Variants in TBL1Y observed in about 807,000 individuals in gnomAD.
The protein encoded by TBL1Y is F-box-like/WD repeat-containing protein TBL1Y.
In TBL1Y, 15 loss-of-function variants were observed where a neutral mutation model predicts 12.0. That is an observed-to-expected ratio of 1.25 (90% CI 0.83 to 1.92). The LOEUF is 1.92. Among genes scored for constraint, TBL1Y ranks in the 40% most tolerant of loss-of-function variants. The pLI is 0.00. For synonymous variants in TBL1Y, 53 were observed against 42.6 expected (o/e 1.24, Z -0.95); for missense variants, 148 against 116.7 (o/e 1.27, Z -1.24).
At chrY:6,922,864 C>CA (rs2011792106) in intron 2 of TBL1Y, among the ~76,000 whole-genome samples, 2 of 34,809 alleles carry the variant, frequency 5.7e-5, no homozygotes, top group African/African-American at 1.1e-4. Flanking sequence ...CCAGCTGCGC[C>CA]AAGTGCGGGG....
chrY:7,085,820 C>A, intron 14 of TBL1Y, 78 bp from the exon 15 acceptor site: 11 of 294,398 alleles, frequency 3.7e-5, no homozygotes, highest in Non-Finnish European at 1.5e-5. Context: ...TGGCGCGCTG[C>A]TGCCCCCTGC....
chrY:6,956,885 C>T (rs2124113128), intron 2 of TBL1Y, among the ~76,000 whole-genome samples: 6 of 34,002 alleles, frequency 1.8e-4, no homozygotes, highest in South Asian at 1.3e-3. Flanking sequence ...CTGATCCTGA[C>T]GCCACTTTAT....
intron 7 of TBL1Y, among the ~76,000 whole-genome samples, chrY:7,062,777 C>G: frequency 3.0e-5 from 1 of 33,561 alleles, no homozygotes. Context: ...CTTGCCTTTT[C>G]TACTACTGGA....
intron 6 of TBL1Y, among the ~76,000 whole-genome samples, chrY:7,030,228 C>T (rs763558520): frequency 5.9e-4 from 20 of 33,758 alleles, no homozygotes; most frequent in Non-Finnish European, 1.1e-3. Flanking sequence ...TTGCTCAAGG[C>T]GTATTGGAAA....
chrY:7,059,013 T>A, intron 7 of TBL1Y, among the ~76,000 whole-genome samples: 2 of 33,186 alleles, frequency 6.0e-5, no homozygotes, highest in Non-Finnish European at 1.5e-4. Context: ...AAAAACTGGT[T>A]GGGGCAGTCC....
chrY:6,951,132 C>A lies in TBL1Y; in HGVS notation c.-265-27081C>A, dbSNP rs1603028508. 9.0e-5 allele frequency among the ~76,000 whole-genome samples: 3 copies of A among 33,295 alleles called. No homozygotes were observed. The East Asian group carries it at 2.4e-3, about 26-fold the overall frequency. The allele number at this position is 33,295 out of a possible 37,273, so 89.3% of individuals were successfully genotyped here. ...ATCAATGTTCTTCAGGGATATTGGT[C>A]TAAAATCCTCTTTTTTTGTTGTGTC... is the stretch of plus-strand genomic sequence containing the variant. On this transcript the variant is annotated intron_variant, in intron 2 of 18. Transcript: ENST00000383032.
At chrY:6,916,865 C>T in intron 2 of TBL1Y, among the ~76,000 whole-genome samples, 1 of 34,379 alleles carries the variant, frequency 2.9e-5, no homozygotes, top group Non-Finnish European at 7.3e-5. Flanking sequence ...ATTTGGGACA[C>T]TTTTTTCCGT....
At chrY:7,006,782 A>C in intron 4 of TBL1Y, among the ~76,000 whole-genome samples, 1 of 33,485 alleles carries the variant, frequency 3.0e-5, no homozygotes, top group African/African-American at 1.2e-4. Context: ...AAACAACCCC[A>C]TCAAAAAGTG....
In TBL1Y at chrY:6,910,747, C is replaced by A; in HGVS notation, c.-586C>A. ...GCCAACACCCCAGCTCCGCTGCTGCCGCCACCGCAGTGCTCTCTAGTCGCC... is the reference window on the plus strand; with the variant it reads ...GCCAACACCCCAGCTCCGCTGCTGCAGCCACCGCAGTGCTCTCTAGTCGCC... On this transcript the variant is annotated 5_prime_UTR_variant, in exon 1 of 19. Coordinates refer to ENST00000383032, the MANE Select transcript of TBL1Y (RefSeq NM_033284.2). 1.8e-5 allele frequency: 1 copy of A among 56,762 alleles called. No homozygotes were observed. Among genetic ancestry groups the A allele is most frequent in the Non-Finnish European group, 3.7e-5 (1 of 27,381 alleles). The allele number at this position is 56,762 out of a possible 400,897, so 14.2% of individuals were successfully genotyped here. A position where few individuals can be genotyped will look rare whatever the true frequency, so the allele number is the denominator to read the frequency against.
At chrY:6,986,212 C>T in intron 3 of TBL1Y, among the ~76,000 whole-genome samples, 1 of 32,399 alleles carries the variant, frequency 3.1e-5, no homozygotes, top group Non-Finnish European at 7.5e-5. Context: ...CAGAGAGCTC[C>T]ACCCCAACCC....
intron 7 of TBL1Y, among the ~76,000 whole-genome samples, chrY:7,043,518 C>A (rs2012740385): frequency 3.5e-5 from 1 of 28,766 alleles, no homozygotes; most frequent in African/African-American, 1.4e-4. Context: ...ACTGTGAGAC[C>A]ATATATCTAA....
intron 4 of TBL1Y, among the ~76,000 whole-genome samples, chrY:7,012,261 T>C (rs2012523993): frequency 3.0e-5 from 1 of 33,263 alleles, no homozygotes; most frequent in Non-Finnish European, 7.4e-5. Flanking sequence ...GTTTGGAAAA[T>C]TTGCAGCTAT....
chrY:6,977,323 C>T, intron 2 of TBL1Y, among the ~76,000 whole-genome samples: 1 of 33,169 alleles, frequency 3.0e-5, no homozygotes, highest in Non-Finnish European at 7.4e-5. Context: ...ACAGATGACA[C>T]CTGCACAATC....
intron 2 of TBL1Y, among the ~76,000 whole-genome samples, chrY:6,962,810 G>T (rs2012138889): frequency 3.0e-5 from 1 of 33,609 alleles, no homozygotes. Flanking sequence ...ATTGATAAAG[G>T]CTTGTCTAAC....
rs2124096459 is a variant in TBL1Y at position 6,926,271 on chromosome Y, G to A, written c.-266+14099G>A. On this transcript the variant is annotated intron_variant, in intron 2 of 18. Coordinates refer to ENST00000383032, the MANE Select transcript of TBL1Y (RefSeq NM_033284.2). ...GCAGCACCTGCTTAAAACTTTGACT[G>A]ATAAGGTTACACACACATGAAAAAG... 8.8e-5 allele frequency among the ~76,000 whole-genome samples: 3 copies of A among 34,086 alleles called. No homozygotes were observed. In the East Asian group the frequency reaches 2.3e-3, roughly 26 times the overall value. The allele number at this position is 34,086 out of a possible 37,273, so 91.4% of individuals were successfully genotyped here.
intron 2 of TBL1Y, among the ~76,000 whole-genome samples, chrY:6,913,340 T>C: frequency 2.8e-4 from 9 of 32,471 alleles, no homozygotes; most frequent in African/African-American, 1.1e-3. Flanking sequence ...TTGAGTCTGT[T>C]TTATCTAGTG....
chrY:7,066,378 T>C lies in TBL1Y; in HGVS notation c.457+2229T>C, dbSNP rs767742682. On this transcript the variant is annotated intron_variant, in intron 8 of 18. Transcript: ENST00000383032. The stretch of plus-strand genomic sequence containing the variant: ...GTTATTGTTGTTGTTGTTGTTGTTG[T>C]TGTTGTTGAGATGGAGACTTACTCT... Among the ~76,000 whole-genome samples, 4 of 33,470 alleles carry C rather than the reference T, an allele frequency of 1.2e-4. No individual in the cohort carries two copies. In the East Asian group the frequency reaches 3.2e-3, roughly 27 times the overall value. The allele number at this position is 33,470 out of a possible 37,273, so 89.8% of individuals were successfully genotyped here.
intron 3 of TBL1Y, among the ~76,000 whole-genome samples, chrY:6,995,283 C>T: frequency 3.0e-5 from 1 of 32,897 alleles, no homozygotes; most frequent in Admixed American, 2.8e-4. Flanking sequence ...CCCAGGTCAC[C>T]CCATTACAGT....
intron 3 of TBL1Y, among the ~76,000 whole-genome samples, chrY:6,986,211 C>T (rs2124130646): frequency 3.1e-5 from 1 of 32,405 alleles, no homozygotes; most frequent in Non-Finnish European, 7.5e-5. Context: ...TCAGAGAGCT[C>T]CACCCCAACC....
Sources: gnomAD v4.1 joint callset for allele counts (sites outside exome capture counted in the v4.1 genomes callset) on GRCh38, gnomAD v4.1.1 for gene constraint, MANE v1.5 for transcripts, NCBI Gene and HGNC (gene_info 2026-07-23, HGNC 2026-07-21) for gene names.